Variants in GON4L observed in about 807,000 individuals in gnomAD.
GON4L encodes the protein GON-4-like protein.
In GON4L, 87 loss-of-function variants were observed where a neutral mutation model predicts 211.8. The observed-to-expected ratio is 0.41, with a 90% CI of 0.35 to 0.49. The LOEUF is 0.49. Ranked by LOEUF, GON4L falls within the 20% of genes least tolerant of loss-of-function variation. GON4L has a pLI of 0.15. For synonymous variants in GON4L, 875 were observed against 962.6 expected, an observed-to-expected ratio of 0.91 and a Z score of 1.68; for missense variants, 2,155 against 2,659.5, an observed-to-expected ratio of 0.81 and a Z score of 4.17.
chr1:155,849,323 T>C (rs1268934424), intron 2 of GON4L, among the ~76,000 whole-genome samples: 1 of 151,718 alleles, frequency 6.6e-6, no homozygotes, highest in Non-Finnish European at 1.5e-5. Flanking sequence ...GGCAGGCAGA[T>C]CACGACGTTA....
At chr1:155,838,675 C>T (rs1261584971) in intron 2 of GON4L, among the ~76,000 whole-genome samples, 1 of 151,472 alleles carries the variant, frequency 6.6e-6, no homozygotes, top group Non-Finnish European at 1.5e-5. Context: ...GAGGCTGAGG[C>T]CCAAGAAGCT....
chr1:155,747,778 G>C, downstream of GON4L: 1 of 1,613,890 alleles, frequency 6.2e-7, no homozygotes, highest in Non-Finnish European at 8.5e-7. Flanking sequence ...CAGATCCTGT[G>C]TGACCTGCAC....
Position 155,770,576 on chromosome 1 carries a change from C to T in GON4L, c.2646+491G>A, listed in dbSNP as rs1452110972. On this transcript the variant is annotated intron_variant, in intron 19 of 31. Coordinates refer to ENST00000368331, the MANE Select transcript of GON4L (RefSeq NM_001282860.2). ...TAAATAAAAAAGAAGAAACCAGGTGCGGTGGCTCATGCCTGTAATCCCAGC... is the reference window on the plus strand; with the variant it reads ...TAAATAAAAAAGAAGAAACCAGGTGTGGTGGCTCATGCCTGTAATCCCAGC... Among the ~76,000 whole-genome samples the T allele has an allele frequency of 2.6e-5, 4 of 151,792 alleles. No individual in the cohort carries two copies. The South Asian group carries it at 8.3e-4, about 32-fold the overall frequency.
At chr1:155,831,667 T>A (rs1669785445) in intron 2 of GON4L, 1 of 151,490 alleles carries the variant, frequency 6.6e-6, no homozygotes. Flanking sequence ...GCTGGGCAAC[T>A]TATAGAGACC....
intron 2 of GON4L, among the ~76,000 whole-genome samples, chr1:155,849,384 A>G (rs1215268956): frequency 1.3e-5 from 2 of 151,054 alleles, no homozygotes; most frequent in African/African-American, 2.4e-5. Flanking sequence ...CTCTACTAAA[A>G]ATACAAAAAA....
intron 13 of GON4L, chr1:155,784,817 C>T: frequency 4.8e-6 from 1 of 206,878 alleles, no homozygotes; most frequent in Non-Finnish European, 1.0e-5. Flanking sequence ...GGGAAGTCAT[C>T]AAAAGTTTTC....
rs1663635654 is a variant in GON4L at position 155,775,034 on chromosome 1, T to G, written c.2318A>C (p.Asp773Ala). Residue 773 changes from aspartate (D) to alanine (A), a missense_variant, in exon 17 of 32, where the codon GAC becomes GCC. Physicochemically the swap from Asp to Ala is moderately radical, Grantham distance 126 (BLOSUM62 -2). Around this residue, in one of 6 missense-constraint regions of GON4L, gnomAD observed 551 missense variants for 854.0 expected, o/e 0.65. Coordinates refer to ENST00000368331, the MANE Select transcript of GON4L (RefSeq NM_001282860.2). The stretch of plus-strand genomic sequence containing the variant: ...CTTGACAGTTTTATGAGGGCTGCAG[T>G]CAATGCTGACATGTGTGCTGAAGTC... ...IEDFSTHVSI[D>A]CSPHKTVKKT... The G allele has an allele frequency of 6.2e-7, 1 of 1,613,198 alleles. No individual in the cohort carries two copies.
chr1:155,843,483 C>T (rs965089720), intron 2 of GON4L, among the ~76,000 whole-genome samples: 1 of 152,072 alleles, frequency 6.6e-6, no homozygotes, highest in Non-Finnish European at 1.5e-5. Context: ...AACCACCCTC[C>T]TACCCCCTAC....
rs540218537 is a variant in GON4L, at chr1:155,785,346, C to T, written c.1776G>A (p.Glu592=). ...TKKEVNELME[E]LFETFQDEMG... ...GATCATTACTCACAGTTTCAAACAG[C>T]TCTTCCATCAGCTCATTTACTTCCT... is the stretch of plus-strand genomic sequence containing the variant. Residue 592 remains glutamate (E), a synonymous_variant, in exon 13 of 32, where the codon GAG becomes GAA. Coordinates refer to ENST00000368331, the MANE Select transcript of GON4L (RefSeq NM_001282860.2). 15 of 1,597,852 alleles carry T rather than the reference C, an allele frequency of 9.4e-6. No homozygotes were observed. In the African/African-American group the frequency reaches 1.2e-4, roughly 13 times the overall value.
chr1:155,745,466 C>G (rs569700802), downstream of GON4L, among the ~76,000 whole-genome samples: 1 of 152,220 alleles, frequency 6.6e-6, no homozygotes, highest in Non-Finnish European at 1.5e-5. Context: ...TATCAGCCAG[C>G]GGAGAGATCT....
In GON4L at chr1:155,813,667, C is replaced by T. The variant is rs778595716; in HGVS notation, c.1419G>A (p.Leu473=). ...MEKLHAVDEE[L]ASSPVCMDSF... is the part of the protein sequence containing the mutation. ...AATCCATGCAGACTGGACTGGAAGC[C>T]AGCTCCTCATCTACCGCATGTAACT... Residue 473 remains leucine (L), a synonymous_variant, in exon 10 of 32, where the codon CTG becomes CTA. Transcript: ENST00000368331. 3.1e-6 allele frequency: 5 copies of T among 1,613,474 alleles called. No individual in the cohort carries two copies. In the East Asian group the frequency reaches 1.1e-4, roughly 36 times the overall value.
chr1:155,821,557 A>G lies in GON4L; in HGVS notation c.889-9T>C. On this transcript the variant is annotated splice_polypyrimidine_tract_variant and intron_variant, in intron 4 of 31. Transcript: ENST00000368331. ...TCATTTGTGATTACTTCCTGGAGAA[A>G]GATGAAATTTCACTTTATGCAACAA... 1 of 1,568,722 alleles carries G rather than the reference A, an allele frequency of 6.4e-7. No homozygotes were observed.
In GON4L at chr1:155,750,257, T is replaced by C. The variant is rs554115968; in HGVS notation, c.*327A>G. On this transcript the variant is annotated 3_prime_UTR_variant, in exon 32 of 32. Transcript: ENST00000368331. ...ACTAGCTACACCAACATATGCACTT[T>C]TTACATTTAGAAACACTGTGATTAG... is the stretch of plus-strand genomic sequence containing the variant. 1.4e-5 allele frequency: 8 copies of C among 572,586 alleles called. No homozygotes were observed. Among genetic ancestry groups the C allele is most frequent in the Admixed American group, 3.0e-5 (1 of 32,812 alleles). 35.5% of individuals were successfully genotyped at this position (572,586 alleles called of 1,614,324 possible).
At chr1:155,761,227 A>G (rs1308538448) in intron 23 of GON4L, among the ~76,000 whole-genome samples, 2 of 127,324 alleles carry the variant, frequency 1.6e-5, no homozygotes, top group Non-Finnish European at 3.1e-5. Context: ...GTTGCCCAGG[A>G]TGGAGTGCAC....
At chr1:155,764,722 A>C in intron 21 of GON4L, 1 of 959,404 alleles carries the variant, frequency 1.0e-6, no homozygotes, top group East Asian at 2.6e-5. Context: ...TACAGGAGTG[A>C]GCCACCAAGC....
chr1:155,856,790 A>ATG (rs1672326126), intron 1 of GON4L, among the ~76,000 whole-genome samples: 15 of 152,048 alleles, frequency 9.9e-5, no homozygotes, highest in African/African-American at 3.6e-4. Flanking sequence ...AAGAAAAAGA[A>ATG]GGAAAGAAAG....
intron 2 of GON4L, among the ~76,000 whole-genome samples, chr1:155,851,170 C>T (rs1187040007): frequency 6.6e-6 from 1 of 150,708 alleles, no homozygotes; most frequent in Non-Finnish European, 1.5e-5. Context: ...CTGGCTAACA[C>T]GGTAAAACCC....
Position 155,822,030 on chromosome 1 carries a change from G to A in GON4L, c.888+256C>T, listed in dbSNP as rs1668783306. 2.0e-5 allele frequency among the ~76,000 whole-genome samples: 3 copies of A among 152,106 alleles called. No individual in the cohort carries two copies. In the South Asian group the frequency reaches 6.2e-4, roughly 32 times the overall value. Reference sequence around the variant, plus strand: ...ATCTACTAAACAATACAGTAAATATGAAAATCAGTGGAAGGAAACAGGAAC... The same window carrying A: ...ATCTACTAAACAATACAGTAAATATAAAAATCAGTGGAAGGAAACAGGAAC... On this transcript the variant is annotated intron_variant, in intron 4 of 31. Coordinates refer to ENST00000368331, the MANE Select transcript of GON4L (RefSeq NM_001282860.2).
rs370318949 is a variant in GON4L at position 155,775,075 on chromosome 1, A to G, written c.2277T>C (p.Ala759=). ...TGCTGAAGTCTTCAATCAGCTGCAT[A>G]GCTCCCATCAAGTTACAGGGTTGGA... is the stretch of plus-strand genomic sequence containing the variant. ...TLFQPCNLMG[A]MQLIEDFSTH... Residue 759 remains alanine, a synonymous_variant, in exon 17 of 32, where the codon GCT becomes GCC. Coordinates refer to ENST00000368331, the MANE Select transcript of GON4L (RefSeq NM_001282860.2). 1.1e-5 allele frequency: 18 copies of G among 1,613,678 alleles called. No homozygotes were observed. In the African/African-American group the frequency reaches 1.7e-4, roughly 16 times the overall value.
Sources: allele counts gnomAD v4.1 joint callset (sites outside exome capture counted in the v4.1 genomes callset), GRCh38; gene constraint gnomAD v4.1.1; regional missense constraint gnomAD v4.1.1; transcripts MANE v1.5; gene names NCBI Gene and HGNC (gene_info 2026-07-23, HGNC 2026-07-21).